Variants in SMCHD1 observed in about 807,000 individuals in gnomAD.
SMCHD1 encodes structural maintenance of chromosomes flexible hinge domain containing 1, also known as structural maintenance of chromosomes flexible hinge domain-containing protein 1.
A neutral mutation model predicts 254.7 loss-of-function variants in SMCHD1; 78 were observed. That is an observed-to-expected ratio of 0.31 (90% CI 0.26 to 0.37). SMCHD1 has a LOEUF of 0.37. Among genes scored for constraint, SMCHD1 ranks in the 10% least tolerant of loss-of-function variants. The pLI is 1.00. For missense variants in SMCHD1, 1,840 were observed against 2,408.1 expected (o/e 0.76, Z 4.94); for synonymous variants, 766 against 794.9 (o/e 0.96, Z 0.61).
chr18:2,658,243 T>A (rs2073132697), intron 1 of SMCHD1, among the ~76,000 whole-genome samples: 1 of 152,250 alleles, frequency 6.6e-6, no homozygotes, highest in South Asian at 2.1e-4. Flanking sequence ...TTACCCTTCC[T>A]CTAGAAATGC....
chr18:2,789,971 C>T (rs2076294438), intron 45 of SMCHD1, among the ~76,000 whole-genome samples: 1 of 152,124 alleles, frequency 6.6e-6, no homozygotes, highest in Admixed American at 6.5e-5. Flanking sequence ...ATCACGAGGT[C>T]AGGAGATTGA....
At chr18:2,758,996 A>G (rs2075732736) in intron 34 of SMCHD1, among the ~76,000 whole-genome samples, 1 of 152,078 alleles carries the variant, frequency 6.6e-6, no homozygotes, top group Admixed American at 6.6e-5. Context: ...CTTCAGTGAC[A>G]TCTGATTTTC....
chr18:2,658,840 A>G (rs1311996987), intron 1 of SMCHD1, among the ~76,000 whole-genome samples: 3 of 151,034 alleles, frequency 2.0e-5, no homozygotes, highest in African/African-American at 7.3e-5. Flanking sequence ...GTGTGTATAT[A>G]TATGTATATG....
At chr18:2,707,762 A>G (rs369754964) in intron 16 of SMCHD1, 45 bp from the exon 17 acceptor site, 34 of 1,543,366 alleles carry the variant, frequency 2.2e-5, no homozygotes, top group African/African-American at 4.1e-5. Context: ...CAGATTCAGC[A>G]AATTTTTGGG....
At chr18:2,776,062 T>G in intron 42 of SMCHD1, 138 bp downstream of exon 42, 1 of 755,798 alleles carries the variant, frequency 1.3e-6, no homozygotes, top group Non-Finnish European at 2.0e-6. Context: ...ATTTTTGTCT[T>G]CATCACAAAT....
chr18:2,748,342 T>TG (rs2075498296), intron 30 of SMCHD1, among the ~76,000 whole-genome samples: 7 of 78,460 alleles, frequency 8.9e-5, no homozygotes, highest in South Asian at 4.8e-4. Flanking sequence ...CTTTGCAAAG[T>TG]TGTGTGTGTG....
At chr18:2,742,807 G>T (rs1244782491) in intron 28 of SMCHD1, among the ~76,000 whole-genome samples, 1 of 151,994 alleles carries the variant, frequency 6.6e-6, no homozygotes, top group Admixed American at 6.6e-5. Context: ...CTCCCAACTA[G>T]CTAGGACTAT....
In SMCHD1 at chr18:2,799,017, A is replaced by C. The variant is rs138919934; in HGVS notation, c.5993+2496A>C. On this transcript the variant is annotated intron_variant, in intron 47 of 47. Coordinates refer to ENST00000320876, the MANE Select transcript of SMCHD1 (RefSeq NM_015295.3). ...GCAATTCAGAGGGAGTTTATGTTTT[A>C]GTTTATAATATTGTTAGTAGTATAA... Among the ~76,000 whole-genome samples, 642 of 152,296 alleles carry C rather than the reference A, an allele frequency of 4.2e-3. 3 individuals carry two copies. The highest frequency in any genetic ancestry group is 0.015 in the African/African-American group (619 of 41,560).
At chr18:2,685,697 AATTATACAGTATTTGTC>A (rs1275949131) in intron 5 of SMCHD1, among the ~76,000 whole-genome samples, 4 of 152,170 alleles carry the variant, frequency 2.6e-5, no homozygotes, top group South Asian at 2.1e-4. Context: ...ATTTAAGTGG[AATTATACAGTATTTGTC>A]ATTATACAGT....
At chr18:2,796,747 A>AT in intron 47 of SMCHD1, 1 of 446,490 alleles carries the variant, frequency 2.2e-6, no homozygotes, top group Non-Finnish European at 4.0e-6. Context: ...TGCTTGGCTA[A>AT]TTTTTTGTAT....
At chr18:2,685,608 C>A (rs1365431009) in intron 5 of SMCHD1, among the ~76,000 whole-genome samples, 2 of 152,068 alleles carry the variant, frequency 1.3e-5, no homozygotes. Flanking sequence ...ACAGTAACTC[C>A]CTGTTGCTCC....
intron 41 of SMCHD1, among the ~76,000 whole-genome samples, chr18:2,774,838 G>A (rs2076040007): frequency 6.6e-6 from 1 of 152,238 alleles, no homozygotes; most frequent in African/African-American, 2.4e-5. Flanking sequence ...ACTGGCCACA[G>A]TAGTCCAATC....
chr18:2,664,198 A>G (rs1240038871), intron 1 of SMCHD1, among the ~76,000 whole-genome samples: 1 of 152,176 alleles, frequency 6.6e-6, no homozygotes, highest in South Asian at 2.1e-4. Flanking sequence ...ATTTCACCCC[A>G]TATACTTCAG....
chr18:2,732,480 A>T lies in SMCHD1; in HGVS notation c.3264A>T (p.Ala1088=). The change falls in exon 25 of 48, where the codon GCA becomes GCT. Residue 1088 remains alanine, a synonymous_variant. Coordinates refer to ENST00000320876, the MANE Select transcript of SMCHD1 (RefSeq NM_015295.3). ...AAATCAATATAACATCAGCTTTAGC[A>T]GAAAAAATTAAAGTAAGTATCTCTA... ...EREINITSAL[A]EKIKVNWTPE... is the part of the protein sequence containing the mutation. 1 of 1,592,912 alleles carries T rather than the reference A, an allele frequency of 6.3e-7. No homozygotes were observed. The highest frequency in any genetic ancestry group is 2.2e-5 in the East Asian group (1 of 44,542).
chr18:2,709,429 G>A (rs935412217), intron 17 of SMCHD1, among the ~76,000 whole-genome samples: 3 of 151,994 alleles, frequency 2.0e-5, no homozygotes, highest in Admixed American at 6.6e-5. Context: ...TGGACTTGCT[G>A]GGTCATATTA....
Position 2,799,369 on chromosome 18 carries a change from T to C in SMCHD1, c.5993+2848T>C, listed in dbSNP as rs1713153779. Among the ~76,000 whole-genome samples the C allele has an allele frequency of 2.6e-5, 4 of 152,298 alleles. No homozygotes were observed. In the South Asian group the frequency reaches 8.3e-4, roughly 32 times the overall value. On this transcript the variant is annotated intron_variant, in intron 47 of 47. Coordinates refer to ENST00000320876, the MANE Select transcript of SMCHD1 (RefSeq NM_015295.3). ...CCACACACATGGCTGGTGGCTACCG[T>C]TTTGGACTGCACAGGTATAGAAAGA...
At chr18:2,681,921 C>G (rs1426529572) in intron 5 of SMCHD1, among the ~76,000 whole-genome samples, 1 of 152,190 alleles carries the variant, frequency 6.6e-6, no homozygotes, top group Non-Finnish European at 1.5e-5. Flanking sequence ...AGAAATGGAT[C>G]CCCAACAAGA....
At chr18:2,767,534 T>C (rs1205436782) in intron 37 of SMCHD1, among the ~76,000 whole-genome samples, 1 of 151,044 alleles carries the variant, frequency 6.6e-6, no homozygotes, top group Admixed American at 6.6e-5. Flanking sequence ...TACTTAAACC[T>C]AGGTGATATA....
intron 35 of SMCHD1, among the ~76,000 whole-genome samples, chr18:2,761,196 G>A (rs889066961): frequency 1.3e-5 from 2 of 152,318 alleles, no homozygotes; most frequent in African/African-American, 4.8e-5. Flanking sequence ...TCCCTTGCAA[G>A]TGGGAGCTAA....
Sources: allele counts gnomAD v4.1 joint callset (sites outside exome capture counted in the v4.1 genomes callset), GRCh38; gene constraint gnomAD v4.1.1; transcripts MANE v1.5; gene names NCBI Gene and HGNC (gene_info 2026-07-23, HGNC 2026-07-21).